Variants in PCDH15 observed in about 807,000 individuals in gnomAD.
The protein encoded by PCDH15 is protocadherin-15.
A neutral mutation model predicts 178.5 loss-of-function variants in PCDH15; 129 were observed. That is an observed-to-expected ratio of 0.72 (90% confidence interval 0.63 to 0.84). The LOEUF is 0.84. PCDH15 is among the 40% of genes least tolerant of loss of function. The pLI is 0.00. For synonymous variants in PCDH15, 800 were observed against 732.0 expected (o/e 1.09, Z -1.50); for missense variants, 2,230 against 2,099.9 (o/e 1.06, Z -1.21).
rs539018395 is a variant in PCDH15, at chr10:54,404,954, C to T, written c.158-26012G>A. Among the ~76,000 whole-genome samples, 15 of 152,088 alleles carry T rather than the reference C, an allele frequency of 9.9e-5. No homozygotes were observed. In the South Asian group the frequency reaches 2.7e-3, roughly 27 times the overall value. ...TCAAAACCACAATAAGATACCATCT[C>T]GCACCAGTCAAAATGGCTATTATTA... On this transcript the variant is annotated intron_variant, in intron 3 of 37. Coordinates refer to ENST00000644397, the MANE Select transcript of PCDH15 (RefSeq NM_001384140.1).
At chr10:55,405,323 T>C (rs1838173778) in intron 2 of PCDH15, among the ~76,000 whole-genome samples, 1 of 142,506 alleles carries the variant, frequency 7.0e-6, no homozygotes, top group African/African-American at 2.6e-5. Context: ...TGTCATGTAA[T>C]TAAAGATAAT....
At chr10:55,060,999 C>T (rs1485778581) in intron 2 of PCDH15, among the ~76,000 whole-genome samples, 1 of 151,966 alleles carries the variant, frequency 6.6e-6, no homozygotes, top group Non-Finnish European at 1.5e-5. Context: ...AGGAGAAATT[C>T]TCGATAACTT....
intron 1 of PCDH15, among the ~76,000 whole-genome samples, chr10:55,278,691 T>C (rs745473085): frequency 6.6e-6 from 1 of 152,368 alleles, no homozygotes; most frequent in South Asian, 2.1e-4. Context: ...TGGATGGTTC[T>C]TATTTGAAAT....
chr10:55,503,138 T>C (rs1840690945), intron 2 of PCDH15, among the ~76,000 whole-genome samples: 1 of 151,368 alleles, frequency 6.6e-6, no homozygotes, highest in Non-Finnish European at 1.5e-5. Flanking sequence ...TAAACACATA[T>C]ATTTAATGCT....
intron 25 of PCDH15, among the ~76,000 whole-genome samples, chr10:53,922,227 A>G (rs1186706408): frequency 6.6e-6 from 1 of 152,296 alleles, no homozygotes; most frequent in East Asian, 1.9e-4. Flanking sequence ...ACACTTATCT[A>G]AAGGAGTAGA....
chr10:54,165,565 G>A (rs984873451), intron 13 of PCDH15, among the ~76,000 whole-genome samples: 6 of 152,080 alleles, frequency 3.9e-5, no homozygotes, highest in African/African-American at 1.4e-4. Context: ...TCTGAGACTG[G>A]AAACTGGAAC....
intron 2 of PCDH15, chr10:54,607,924 T>C (rs1420525966): frequency 1.9e-6 from 1 of 516,202 alleles, no homozygotes; most frequent in Admixed American, 2.0e-5. Context: ...GAAAGTAATG[T>C]CAAAAACTGT....
chr10:54,160,605 T>C (rs906609120), intron 13 of PCDH15, among the ~76,000 whole-genome samples: 5 of 152,116 alleles, frequency 3.3e-5, no homozygotes, highest in Non-Finnish European at 5.9e-5. Context: ...CATAAGAACA[T>C]GATACATAAA....
At chr10:54,053,222 T>G (rs891658358) in intron 18 of PCDH15, among the ~76,000 whole-genome samples, 1 of 152,232 alleles carries the variant, frequency 6.6e-6, no homozygotes, top group Admixed American at 6.5e-5. Context: ...TTTGTATGCT[T>G]GTGAGGTAAG....
At chr10:54,371,843 T>C (rs897560960) in intron 4 of PCDH15, among the ~76,000 whole-genome samples, 32 of 152,056 alleles carry the variant, frequency 2.1e-4, no homozygotes, top group Non-Finnish European at 4.4e-4. Flanking sequence ...TCAATTTCTT[T>C]TTTTCACATT....
At position 55,280,442 on chromosome 10, in the gene PCDH15, C is replaced by T. The variant is rs1180629245; in HGVS notation, c.-156+39157G>A. 1.3e-3 allele frequency among the ~76,000 whole-genome samples: 175 copies of T among 136,446 alleles called. 1 individual carries two copies. Among genetic ancestry groups the T allele is most frequent in the African/African-American group, 4.6e-3 (164 of 35,528 alleles). The allele number at this position is 136,446 out of a possible 152,430, so 89.5% of individuals were successfully genotyped here. On this transcript the variant is annotated intron_variant, in intron 1 of 5. Transcript: ENST00000458638. ...TATAGGTATCTGACACTGCACCCAG[C>T]TATTTTTTTTTTTTTTTTTTTTTTT...
intron 2 of PCDH15, among the ~76,000 whole-genome samples, chr10:55,450,582 T>C (rs972801059): frequency 2.0e-5 from 3 of 151,604 alleles, no homozygotes; most frequent in Non-Finnish European, 4.4e-5. Context: ...TGTTGTACAA[T>C]TTTTTTTTAC....
intron 2 of PCDH15, among the ~76,000 whole-genome samples, chr10:55,543,864 T>G (rs1841817865): frequency 6.6e-6 from 1 of 151,556 alleles, no homozygotes; most frequent in Non-Finnish European, 1.5e-5. Flanking sequence ...TGATGAAAAT[T>G]TCTGTGTTCC....
At position 54,708,875 on chromosome 10, in the gene PCDH15, C is replaced by T. The variant is rs80337379; in HGVS notation, c.-28-44585G>A. 6.5e-3 allele frequency among the ~76,000 whole-genome samples: 982 copies of T among 151,646 alleles called. 9 individuals are homozygous for T. Among genetic ancestry groups the T allele is most frequent in the East Asian group, 0.031 (160 of 5,132 alleles). On this transcript the variant is annotated intron_variant, in intron 1 of 37. Transcript: ENST00000644397. ...TTTTCATAACTGTTCCCTCAGATAACGAGCAATAATAGCTCTAATGATCTC... is the reference window on the plus strand; with the variant it reads ...TTTTCATAACTGTTCCCTCAGATAATGAGCAATAATAGCTCTAATGATCTC...
intron 21 of PCDH15, among the ~76,000 whole-genome samples, chr10:53,969,718 A>G (rs932746974): frequency 6.6e-6 from 1 of 152,218 alleles, no homozygotes; most frequent in Non-Finnish European, 1.5e-5. Flanking sequence ...ATTCTTAAAG[A>G]AAAGAATTTT....
intron 23 of PCDH15, among the ~76,000 whole-genome samples, chr10:53,951,039 A>G (rs2086983808): frequency 6.6e-6 from 1 of 152,206 alleles, no homozygotes; most frequent in Non-Finnish European, 1.5e-5. Flanking sequence ...TAAGGAGTCA[A>G]GTATTGAAAT....
chr10:55,216,988 T>C (rs1034948373), intron 1 of PCDH15, among the ~76,000 whole-genome samples: 3 of 151,944 alleles, frequency 2.0e-5, no homozygotes, highest in Non-Finnish European at 4.4e-5. Context: ...GAGGGTCTCA[T>C]GTTTGCATAC....
chr10:55,125,854 G>T (rs1304047990), intron 2 of PCDH15, among the ~76,000 whole-genome samples: 2 of 152,052 alleles, frequency 1.3e-5, no homozygotes, highest in East Asian at 1.9e-4. Flanking sequence ...GGCATAGCTT[G>T]GTAGGCATAG....
intron 1 of PCDH15, among the ~76,000 whole-genome samples, chr10:54,719,847 T>C (rs979494232): frequency 2.7e-5 from 4 of 150,304 alleles, no homozygotes; most frequent in African/African-American, 9.9e-5. Context: ...TTCCTCCAAA[T>C]GACATGATCT....
Sources: allele counts gnomAD v4.1 joint callset (sites outside exome capture counted in the v4.1 genomes callset), GRCh38; gene constraint gnomAD v4.1.1; transcripts MANE v1.5; gene names NCBI Gene and HGNC (gene_info 2026-07-23, HGNC 2026-07-21).